The following GPR141 variants were observed in gnomAD, a reference collection of about 807,000 sequenced individuals.
The protein encoded by GPR141 is probable G protein-coupled receptor 141.
A neutral mutation model predicts 6.8 loss-of-function variants in GPR141; 6 were observed. The observed-to-expected ratio is 0.88, with a 90% CI of 0.48 to 1.74. The LOEUF (loss-of-function observed/expected upper bound fraction) is 1.74, where lower values mean the gene tolerates loss of function less well. Among genes scored for constraint, GPR141 ranks in the 40% most tolerant of loss-of-function variants. The pLI is 0.01. For missense variants in GPR141, 372 were observed against 372.9 expected (o/e 1.00, Z 0.02); for synonymous variants, 140 against 142.3 (o/e 0.98, Z 0.11).
intron 2 of GPR141, among the ~76,000 whole-genome samples, chr7:37,702,822 TA>T (rs1383941409): frequency 7.7e-6 from 1 of 129,318 alleles, no homozygotes; most frequent in African/African-American, 2.9e-5. Flanking sequence ...AAAAAATAAA[TA>T]AAATAAAAAT....
rs193013921 is a variant in GPR141, at chr7:37,729,580, A to G, written c.-14-10800A>G. 2.9e-3 allele frequency among the ~76,000 whole-genome samples: 438 copies of G among 152,348 alleles called. 2 individuals carry two copies. Among genetic ancestry groups the G allele is most frequent in the African/African-American group, 1.0e-2 (415 of 41,570 alleles). On this transcript the variant is annotated intron_variant, in intron 2 of 2. Transcript: ENST00000334425. ...AAAGTTAAAAACAAGTCCACAAATG[A>G]CTAAAATAATTAAAACAGAGAATAA...
At chr7:37,733,036 G>A (rs1008349372) in intron 2 of GPR141, among the ~76,000 whole-genome samples, 1 of 152,202 alleles carries the variant, frequency 6.6e-6, no homozygotes, top group Admixed American at 6.5e-5. Flanking sequence ...CAGGGAGCTG[G>A]TGGGGAGTGA....
At position 37,742,116 on chromosome 7, in the gene GPR141, T is replaced by C. The variant is rs1812591958; in HGVS notation, c.*805T>C. On this transcript the variant is annotated 3_prime_UTR_variant, in exon 3 of 3. Coordinates refer to ENST00000334425, the MANE Select transcript of GPR141 (RefSeq NM_001381946.1). ...TAAAATGAGTTCCCAAGGGAAGTGATTAAAATTTTTTTCTCTTCTGTTTTT... is the reference window on the plus strand; with the variant it reads ...TAAAATGAGTTCCCAAGGGAAGTGACTAAAATTTTTTTCTCTTCTGTTTTT... Among the ~76,000 whole-genome samples, 1 of 152,156 alleles carries C rather than the reference T, an allele frequency of 6.6e-6. No individual in the cohort carries two copies. Among genetic ancestry groups the C allele is most frequent in the African/African-American group, 2.4e-5 (1 of 41,434 alleles).
chr7:37,701,782 A>G (rs1810287017), intron 2 of GPR141, among the ~76,000 whole-genome samples: 1 of 152,266 alleles, frequency 6.6e-6, no homozygotes, highest in Admixed American at 6.5e-5. Context: ...CTAATAATTC[A>G]TATCGTAGAG....
intron 2 of GPR141, among the ~76,000 whole-genome samples, chr7:37,735,277 GC>G (rs1228262506): frequency 6.6e-6 from 1 of 152,228 alleles, no homozygotes; most frequent in African/African-American, 2.4e-5. Flanking sequence ...CACAACAGTA[GC>G]TTTTCCAATT....
At chr7:37,694,380 G>A (rs563340971) in intron 2 of GPR141, among the ~76,000 whole-genome samples, 2 of 152,128 alleles carry the variant, frequency 1.3e-5, no homozygotes, top group Admixed American at 1.3e-4. Context: ...AGTATATGAA[G>A]CAACTTCACC....
At chr7:37,693,561 A>G (rs1216467509) in intron 2 of GPR141, among the ~76,000 whole-genome samples, 1 of 152,090 alleles carries the variant, frequency 6.6e-6, no homozygotes, top group Non-Finnish European at 1.5e-5. Flanking sequence ...GACAAAGGGG[A>G]TGAAGCACCT....
At chr7:37,697,146 T>C (rs1026170) in intron 2 of GPR141, among the ~76,000 whole-genome samples, 51,965 of 151,932 alleles carry the variant, frequency 0.34, 9,064 homozygotes, top group Middle Eastern at 0.39. Flanking sequence ...TTATGATTTA[T>C]AAAGAGGAGG....
chr7:37,712,296 T>C (rs1318155068), intron 2 of GPR141, among the ~76,000 whole-genome samples: 1 of 152,080 alleles, frequency 6.6e-6, no homozygotes, highest in East Asian at 1.9e-4. Flanking sequence ...ACTATTCACC[T>C]CCATATCTCC....
At chr7:37,734,265 A>G (rs1187637263) in intron 2 of GPR141, among the ~76,000 whole-genome samples, 1 of 152,186 alleles carries the variant, frequency 6.6e-6, no homozygotes, top group Non-Finnish European at 1.5e-5. Flanking sequence ...TAACGACTAT[A>G]TGAGGTAGGT....
chr7:37,702,588 TC>T (rs1032754980), intron 2 of GPR141, among the ~76,000 whole-genome samples: 3 of 151,652 alleles, frequency 2.0e-5, no homozygotes, highest in African/African-American at 7.3e-5. Flanking sequence ...AGACAGAAAG[TC>T]CCCCCAGGAG....
At chr7:37,701,346 A>G (rs976482273) in intron 2 of GPR141, among the ~76,000 whole-genome samples, 1 of 152,156 alleles carries the variant, frequency 6.6e-6, no homozygotes, top group African/African-American at 2.4e-5. Context: ...TTAATGTTTG[A>G]GTGGGTTGTT....
intron 2 of GPR141, among the ~76,000 whole-genome samples, chr7:37,700,745 C>T (rs1161312809): frequency 6.6e-6 from 1 of 152,068 alleles, no homozygotes; most frequent in African/African-American, 2.4e-5. Flanking sequence ...TACCATATAC[C>T]CAGCTCCTAC....
intron 2 of GPR141, among the ~76,000 whole-genome samples, chr7:37,719,859 G>A (rs1583556995): frequency 6.6e-6 from 1 of 152,168 alleles, no homozygotes; most frequent in Admixed American, 6.5e-5. Context: ...ATGAGGGAAT[G>A]AGAGTGTGAG....
At chr7:37,716,614 A>G (rs1005892015) in intron 2 of GPR141, among the ~76,000 whole-genome samples, 2 of 152,190 alleles carry the variant, frequency 1.3e-5, no homozygotes, top group East Asian at 1.9e-4. Flanking sequence ...AGTTTTTCCA[A>G]TAAGTGTGGT....
chr7:37,722,923 TTTCCTTCCTTCCTTCCTTCC>T lies in GPR141; in HGVS notation c.-14-17417_-14-17398del, dbSNP rs796368390. Among the ~76,000 whole-genome samples the T allele has an allele frequency of 9.0e-3, 1,011 of 112,236 alleles. 14 individuals carry two copies. Among genetic ancestry groups the T allele is most frequent in the African/African-American group, 0.01 (287 of 28,222 alleles). The allele number at this position is 112,236 out of a possible 152,430, so 73.6% of individuals were successfully genotyped here. On this transcript the variant is annotated intron_variant, in intron 2 of 2. Transcript: ENST00000334425. ...ATTCTGTTCTAATTTTTCTTTTTCC[TTTCCTTCCTTCCTTCCTTCC>T]TTCCTTCCTTCCTTCCTTCCTTCCT...
At chr7:37,729,252 G>A (rs552277727) in intron 2 of GPR141, among the ~76,000 whole-genome samples, 1 of 152,302 alleles carries the variant, frequency 6.6e-6, no homozygotes, top group South Asian at 2.1e-4. Context: ...GAAAATCAGA[G>A]TTTGAGGCCA....
At chr7:37,739,520 C>T (rs1422387969) in intron 2 of GPR141, among the ~76,000 whole-genome samples, 1 of 152,020 alleles carries the variant, frequency 6.6e-6, no homozygotes, top group Non-Finnish European at 1.5e-5. Flanking sequence ...GATGGGAAGC[C>T]GTTGAAGGGA....
chr7:37,696,791 A>T (rs1810035060), intron 2 of GPR141, among the ~76,000 whole-genome samples: 1 of 152,066 alleles, frequency 6.6e-6, no homozygotes, highest in African/African-American at 2.4e-5. Flanking sequence ...ATGTTTTAAA[A>T]AGTTAAACAA....
Sources: allele counts gnomAD v4.1 joint callset (sites outside exome capture counted in the v4.1 genomes callset), GRCh38; gene constraint gnomAD v4.1.1; transcripts MANE v1.5; gene names NCBI Gene and HGNC (gene_info 2026-07-23, HGNC 2026-07-21).